CTNNA3: variants seen among roughly 807,000 people sequenced by gnomAD.
CTNNA3 encodes catenin alpha 3.
In CTNNA3, 76 loss-of-function variants were observed where a neutral mutation model predicts 95.7. The observed-to-expected ratio is 0.79, with a 90% CI of 0.66 to 0.96. The LOEUF is 0.96. Among genes scored for constraint, CTNNA3 ranks in the 40% least tolerant of loss-of-function variants. CTNNA3 has a pLI of 0.00. For synonymous variants in CTNNA3, 431 were observed against 374.4 expected (o/e 1.15, Z -1.74); for missense variants, 1,191 against 1,089.8 (o/e 1.09, Z -1.31).
intron 7 of CTNNA3, among the ~76,000 whole-genome samples, chr10:67,001,298 TA>T (rs568002651): frequency 0.019 from 1,785 of 93,282 alleles, 29 homozygotes; most frequent in African/African-American, 0.055. Context: ...AGACTCTGTC[TA>T]AAAAAAAAAA....
chr10:66,802,830 C>T (rs113288474), intron 7 of CTNNA3, among the ~76,000 whole-genome samples: 52 of 151,682 alleles, frequency 3.4e-4, no homozygotes, highest in African/African-American at 1.1e-3. Context: ...GATATAGCCA[C>T]GAATGTGGAG....
chr10:65,967,628 T>A (rs2078001938), intron 16 of CTNNA3, among the ~76,000 whole-genome samples: 1 of 152,222 alleles, frequency 6.6e-6, no homozygotes, highest in South Asian at 2.1e-4. Context: ...ACAGGACACA[T>A]GTTTTAGAAT....
chr10:67,291,277 C>A (rs963868913), intron 5 of CTNNA3, among the ~76,000 whole-genome samples: 10 of 151,964 alleles, frequency 6.6e-5, no homozygotes, highest in African/African-American at 2.2e-4. Flanking sequence ...ATAAAAATAA[C>A]CCCACTAATA....
At chr10:66,892,872 TAGTC>T (rs1247909251) in intron 7 of CTNNA3, among the ~76,000 whole-genome samples, 2 of 152,114 alleles carry the variant, frequency 1.3e-5, no homozygotes, top group African/African-American at 4.8e-5. Context: ...AATTAGCACA[TAGTC>T]AAGAAAGAAG....
intron 9 of CTNNA3, among the ~76,000 whole-genome samples, chr10:66,631,164 T>C (rs548564092): frequency 2.3e-4 from 35 of 152,174 alleles, no homozygotes; most frequent in Admixed American, 4.6e-4. Context: ...AATCACACAA[T>C]CCGGTCTCTG....
Position 66,651,620 on chromosome 10 carries a change from G to A in CTNNA3, c.1282-29836C>T, listed in dbSNP as rs140867023. 3.7e-3 allele frequency among the ~76,000 whole-genome samples: 566 copies of A among 151,446 alleles called. 6 individuals carry two copies. The highest frequency in any genetic ancestry group is 0.013 in the African/African-American group (519 of 41,080). ...CCAAGCCCTGCCCTGCTGGGAGACG[G>A]CTGAGGCCCTGAGAGAATTCCAGCG... On this transcript the variant is annotated intron_variant, in intron 9 of 17. Transcript: ENST00000433211.
chr10:67,412,725 T>A lies in CTNNA3; in HGVS notation c.579+109117A>T, dbSNP rs554644960. Among the ~76,000 whole-genome samples, 332 of 152,068 alleles carry A rather than the reference T, an allele frequency of 2.2e-3. 2 individuals carry two copies. Among genetic ancestry groups the A allele is most frequent in the African/African-American group, 7.7e-3 (318 of 41,500 alleles). On this transcript the variant is annotated intron_variant, in intron 5 of 17. Coordinates refer to ENST00000433211, the MANE Select transcript of CTNNA3 (RefSeq NM_013266.4). ...TTTCAGTGTCCTTAAAGAAAGGAAA[T>A]TCCAACCAAAAATTTTTATATCCTA...
intron 7 of CTNNA3, among the ~76,000 whole-genome samples, chr10:67,007,696 A>G (rs927789896): frequency 2.6e-5 from 4 of 152,060 alleles, no homozygotes; most frequent in Non-Finnish European, 5.9e-5. Context: ...TTTAAAATCC[A>G]TAATTTATTA....
At chr10:66,615,662 A>G (rs569515739) in intron 10 of CTNNA3, among the ~76,000 whole-genome samples, 2 of 152,008 alleles carry the variant, frequency 1.3e-5, no homozygotes, top group East Asian at 1.9e-4. Flanking sequence ...ATAAAACCTG[A>G]GAATGAAAAG....
intron 11 of CTNNA3, among the ~76,000 whole-genome samples, chr10:66,390,268 G>A (rs1228467276): frequency 1.3e-5 from 2 of 152,072 alleles, no homozygotes; most frequent in Non-Finnish European, 2.9e-5. Context: ...CCTGAAGTGG[G>A]ACTTTGAATA....
chr10:67,043,895 T>C (rs758629891), intron 7 of CTNNA3, among the ~76,000 whole-genome samples: 88 of 148,900 alleles, frequency 5.9e-4, no homozygotes, highest in Admixed American at 2.4e-3. Context: ...AATCTGACAA[T>C]TGGAGAATTT....
chr10:66,240,935 G>C (rs901548748), intron 13 of CTNNA3, among the ~76,000 whole-genome samples: 1 of 151,924 alleles, frequency 6.6e-6, no homozygotes, highest in East Asian at 1.9e-4. Flanking sequence ...TAGTCAAGGA[G>C]AAAATAACAA....
intron 1 of CTNNA3, among the ~76,000 whole-genome samples, chr10:67,710,644 C>A (rs924386787): frequency 3.9e-5 from 6 of 152,064 alleles, no homozygotes; most frequent in African/African-American, 4.8e-5. Context: ...TGAAAATGGG[C>A]CAGAACTTGG....
At chr10:66,523,394 GC>G in intron 10 of CTNNA3, among the ~76,000 whole-genome samples, 1 of 152,244 alleles carries the variant, frequency 6.6e-6, no homozygotes. Context: ...CTATGAAGAA[GC>G]TTTATCCTAC....
At chr10:67,148,788 G>A (rs1860955087) in intron 7 of CTNNA3, among the ~76,000 whole-genome samples, 2 of 152,160 alleles carry the variant, frequency 1.3e-5, no homozygotes, top group Admixed American at 1.3e-4. Context: ...AATAAAGCTT[G>A]CAGTAAGCAT....
intron 7 of CTNNA3, among the ~76,000 whole-genome samples, chr10:66,986,166 C>T (rs1850718312): frequency 6.6e-6 from 1 of 152,132 alleles, no homozygotes. Context: ...AAACCAGTGC[C>T]TGTATACTTT....
intron 7 of CTNNA3, among the ~76,000 whole-genome samples, chr10:66,919,692 A>C (rs1846686807): frequency 6.6e-6 from 1 of 152,174 alleles, no homozygotes; most frequent in Non-Finnish European, 1.5e-5. Context: ...ATGTGACCAG[A>C]CAGGGTTTTT....
chr10:66,644,673 G>A (rs1239775079), intron 9 of CTNNA3, among the ~76,000 whole-genome samples: 14 of 151,368 alleles, frequency 9.2e-5, no homozygotes, highest in Non-Finnish European at 5.9e-5. Context: ...CATTTTGTAA[G>A]ACTATATTTT....
chr10:66,847,168 G>A (rs1843311923), intron 7 of CTNNA3, among the ~76,000 whole-genome samples: 1 of 152,098 alleles, frequency 6.6e-6, no homozygotes, highest in South Asian at 2.1e-4. Context: ...CCATAGAGAT[G>A]TTATTTCATT....
Sources: gnomAD v4.1 joint callset for allele counts (sites outside exome capture counted in the v4.1 genomes callset) on GRCh38, gnomAD v4.1.1 for gene constraint, MANE v1.5 for transcripts, NCBI Gene and HGNC (gene_info 2026-07-23, HGNC 2026-07-21) for gene names.